SEC61B: variants seen among roughly 807,000 people sequenced by gnomAD.
SEC61B encodes protein transport protein Sec61 subunit beta.
Under a neutral mutation model 12.6 loss-of-function variants are expected in SEC61B, and 7 were observed. The observed-to-expected ratio is 0.55, with a 90% confidence interval of 0.32 to 1.04. The LOEUF is 1.04. Among genes scored for constraint, SEC61B ranks in the 50% least tolerant of loss-of-function variants. SEC61B has a pLI of 0.05. For missense variants in SEC61B, 107 were observed against 130.1 expected, an observed-to-expected ratio of 0.82 and a Z score of 0.86; for synonymous variants, 54 against 50.1, an observed-to-expected ratio of 1.08 and a Z score of -0.33.
chr9:99,230,188 A>G, intron 3 of SEC61B, 149 bp from the exon 4 acceptor site: 1 of 494,776 alleles, frequency 2.0e-6, no homozygotes, highest in Non-Finnish European at 3.6e-6. Flanking sequence ...AATTTTAGAA[A>G]TATTTTAAAA....
chr9:99,230,330 T>C lies in SEC61B; in HGVS notation c.204-7T>C. ...AAAGTAAGCATGCTTTCTCTTCTTATTTCTAGTGGCCCTGTTCCAGTATTG... is the reference window on the plus strand; with the variant it reads ...AAAGTAAGCATGCTTTCTCTTCTTACTTCTAGTGGCCCTGTTCCAGTATTG... On this transcript the variant is annotated splice_polypyrimidine_tract_variant and splice_region_variant and intron_variant, in intron 3 of 3. Transcript: ENST00000223641. The C allele has an allele frequency of 6.4e-7, 1 of 1,573,094 alleles. No homozygotes were observed.
At position 99,227,997 on chromosome 9, in the gene SEC61B, A is replaced by C. The variant is rs1302512302; in HGVS notation, c.200A>C (p.Lys67Thr). 5.0e-6 allele frequency: 8 copies of C among 1,612,590 alleles called. No individual in the cohort carries two copies. The highest frequency in any genetic ancestry group is 6.8e-6 in the Non-Finnish European group (8 of 1,178,872). ...RFYTEDSPGLKVGPVPVLVMS... is the reference protein window; with the variant it reads ...RFYTEDSPGLTVGPVPVLVMS... ...TACACAGAAGATTCACCTGGGCTCA[A>C]AGTGTAAGTCTTAGGAACAGTCCTT... The change falls in exon 3 of 4, where the codon AAA (lysine) becomes ACA (threonine). Residue 67 changes from lysine to threonine, a missense_variant. By Grantham distance (78) the Lys-to-Thr change is moderately conservative (BLOSUM62 -1). Coordinates refer to ENST00000223641, the MANE Select transcript of SEC61B (RefSeq NM_006808.3).
intron 2 of SEC61B, among the ~76,000 whole-genome samples, chr9:99,225,514 G>A (rs1828884489): frequency 6.6e-6 from 1 of 152,222 alleles, no homozygotes; most frequent in Admixed American, 6.5e-5. Context: ...GAAGCACCAT[G>A]TTAGAACCAA....
chr9:99,222,913 T>G (rs2119012955), intron 2 of SEC61B: 1 of 368,328 alleles, frequency 2.7e-6, no homozygotes, highest in African/African-American at 2.1e-5. Flanking sequence ...GTCATTAAAC[T>G]GGTGTCTCTG....
At chr9:99,229,855 T>G (rs944612668) in intron 3 of SEC61B, among the ~76,000 whole-genome samples, 3 of 152,234 alleles carry the variant, frequency 2.0e-5, no homozygotes, top group African/African-American at 7.2e-5. Flanking sequence ...ATACTGTTAG[T>G]TGTTTTACAA....
chr9:99,224,337 C>T (rs943109547), intron 2 of SEC61B, among the ~76,000 whole-genome samples: 1 of 152,066 alleles, frequency 6.6e-6, no homozygotes, highest in Non-Finnish European at 1.5e-5. Flanking sequence ...CTTATATGGG[C>T]TTTGAGTGCT....
At chr9:99,224,550 TTTAA>T (rs1446463712) in intron 2 of SEC61B, among the ~76,000 whole-genome samples, 7 of 152,202 alleles carry the variant, frequency 4.6e-5, no homozygotes, top group African/African-American at 1.7e-4. Flanking sequence ...AAATTATTTA[TTTAA>T]TAGTAAAAAT....
In SEC61B at chr9:99,227,896, C is replaced by G; in HGVS notation, c.102-3C>G. ...CCATTTGTAACATTTTCCTCTCTTT[C>G]AGGAAAAATGCCAGCTGTGGGACAA... On this transcript the variant is annotated splice_polypyrimidine_tract_variant and splice_region_variant and intron_variant, in intron 2 of 3. Coordinates refer to ENST00000223641, the MANE Select transcript of SEC61B (RefSeq NM_006808.3). 1 of 1,612,010 alleles carries G rather than the reference C, an allele frequency of 6.2e-7. No homozygotes were observed. The highest frequency in any genetic ancestry group is 2.2e-5 in the East Asian group (1 of 44,860).
At chr9:99,227,327 A>G (rs990106256) in intron 2 of SEC61B, among the ~76,000 whole-genome samples, 2 of 148,600 alleles carry the variant, frequency 1.3e-5, no homozygotes, top group African/African-American at 2.5e-5. Context: ...GTAATTTTTT[A>G]TAAAGTGTAT....
intron 2 of SEC61B, among the ~76,000 whole-genome samples, chr9:99,225,478 G>A (rs3780616): frequency 0.061 from 9,357 of 152,202 alleles, 332 homozygotes; most frequent in Non-Finnish European, 0.079. Context: ...TTCTGAGGTC[G>A]ATGAGGTTGG....
intron 3 of SEC61B, among the ~76,000 whole-genome samples, chr9:99,229,544 T>A (rs1467533792): frequency 6.6e-6 from 1 of 152,134 alleles, no homozygotes; most frequent in African/African-American, 2.4e-5. Context: ...AGAATCTCAC[T>A]GTGTTGCCCA....
Position 99,222,312 on chromosome 9 carries a change from T to A in SEC61B, c.-52T>A. On this transcript the variant is annotated 5_prime_UTR_variant, in exon 1 of 4. Transcript: ENST00000223641. ...CGCCAGCTGCCGGTCTTTCGGGGGC[T>A]CCGTAACTTTCTATCCGTCCGCGTC... 6.2e-7 allele frequency: 1 copy of A among 1,613,912 alleles called. No homozygotes were observed. The highest frequency in any genetic ancestry group is 8.5e-7 in the Non-Finnish European group (1 of 1,179,884).
intron 3 of SEC61B, among the ~76,000 whole-genome samples, chr9:99,229,637 A>T (rs1828936752): frequency 6.6e-6 from 1 of 152,210 alleles, no homozygotes; most frequent in Admixed American, 6.5e-5. Flanking sequence ...GAACATCTGT[A>T]GCCCATTGCT....
intron 3 of SEC61B, 42 bp from the exon 4 acceptor site, chr9:99,230,295 A>G (rs375372221): frequency 7.7e-7 from 1 of 1,300,076 alleles, no homozygotes; most frequent in Non-Finnish European, 1.1e-6. Flanking sequence ...CTAATAGTAT[A>G]TTATTACTAA....
At chr9:99,226,000 T>C (rs577856093) in intron 2 of SEC61B, among the ~76,000 whole-genome samples, 1 of 152,330 alleles carries the variant, frequency 6.6e-6, no homozygotes. Context: ...TGGAATGACA[T>C]ATATCTGTGT....
At chr9:99,229,634 T>A (rs1328119828) in intron 3 of SEC61B, among the ~76,000 whole-genome samples, 1 of 152,186 alleles carries the variant, frequency 6.6e-6, no homozygotes, top group Non-Finnish European at 1.5e-5. Flanking sequence ...AGAGAACATC[T>A]GTAGCCCATT....
At chr9:99,222,770 C>A (rs1828845702) in intron 2 of SEC61B, 127 bp downstream of exon 2, 4 of 681,632 alleles carry the variant, frequency 5.9e-6, no homozygotes, top group Non-Finnish European at 9.5e-6. Context: ...GTGACGTGGC[C>A]GTGGGAGTAG....
intron 2 of SEC61B, among the ~76,000 whole-genome samples, chr9:99,225,774 TAAGAG>T (rs1480240227): frequency 1.3e-5 from 2 of 152,184 alleles, no homozygotes; most frequent in Non-Finnish European, 2.9e-5. Flanking sequence ...TAAGAAATCT[TAAGAG>T]AAGCCAGCCT....
chr9:99,227,143 G>A (rs946695454), intron 2 of SEC61B, among the ~76,000 whole-genome samples: 1 of 151,862 alleles, frequency 6.6e-6, no homozygotes, highest in Non-Finnish European at 1.5e-5. Context: ...GCGCACGCCT[G>A]TAATCCCAGC....
Sources: allele counts gnomAD v4.1 joint callset (sites outside exome capture counted in the v4.1 genomes callset), GRCh38; gene constraint gnomAD v4.1.1; transcripts MANE v1.5; gene names NCBI Gene and HGNC (gene_info 2026-07-23, HGNC 2026-07-21).